ADRA1A: variants seen among roughly 807,000 people sequenced by gnomAD.
ADRA1A encodes alpha-1A adrenergic receptor.
ADRA1A carries 31 observed loss-of-function variants against 29.6 expected under a neutral mutation model. That is an observed-to-expected ratio of 1.05 (90% confidence interval 0.79 to 1.41). The LOEUF (loss-of-function observed/expected upper bound fraction) is 1.41. Ranked by LOEUF, ADRA1A falls within the 40% of genes most tolerant of loss-of-function variation. The pLI, the probability that ADRA1A is intolerant of heterozygous loss-of-function variation, is 0.00. For missense variants in ADRA1A, 619 were observed against 601.1 expected (o/e 1.03, Z -0.31); for synonymous variants, 311 against 254.3 (o/e 1.22, Z -2.12).
At chr8:26,760,897 TG>T (rs754700055), downstream of ADRA1A, among the ~76,000 whole-genome samples, 5 of 152,330 alleles carry the variant, frequency 3.3e-5, no homozygotes, top group Middle Eastern at 3.4e-3. Flanking sequence ...GTCATCAACT[TG>T]AGCCTTTCTG....
At chr8:26,858,988 C>G (rs1813246039) in intron 2 of ADRA1A, 7 of 1,145,400 alleles carry the variant, frequency 6.1e-6, no homozygotes, top group Non-Finnish European at 7.6e-6. Context: ...TGAGACTTCT[C>G]ACAATATACA....
At chr8:26,803,062 G>A (rs1294741661) in intron 2 of ADRA1A, among the ~76,000 whole-genome samples, 1 of 152,150 alleles carries the variant, frequency 6.6e-6, no homozygotes, top group Non-Finnish European at 1.5e-5. Flanking sequence ...TAGAATGATG[G>A]TTAGCAGTGA....
chr8:26,808,215 A>G, intron 2 of ADRA1A, among the ~76,000 whole-genome samples: 2 of 152,300 alleles, frequency 1.3e-5, no homozygotes, highest in Admixed American at 1.3e-4. Flanking sequence ...TATGTTTCCT[A>G]CACAAAAGAT....
chr8:26,810,904 C>T (rs1439971108), intron 2 of ADRA1A, among the ~76,000 whole-genome samples: 1 of 151,196 alleles, frequency 6.6e-6, no homozygotes, highest in African/African-American at 2.4e-5. Context: ...AATCAATTAC[C>T]TGACAAAAAA....
chr8:26,748,340 A>T (rs1804779598), exon 3 of ADRA1A: 1 of 171,044 alleles, frequency 5.8e-6, no homozygotes, highest in Non-Finnish European at 1.2e-5. Context: ...GTCTTACCCC[A>T]CTCCCAACAT....
chr8:26,770,290 G>A lies in ADRA1A; in HGVS notation c.1260C>T (p.Thr420=). Residue 420 remains threonine (T), a synonymous_variant, in exon 3 of 3, where the codon ACC becomes ACT. Coordinates refer to ENST00000380573, the MANE Select transcript of ADRA1A (RefSeq NM_000680.4). The part of the protein sequence containing the change: ...ITVSKDQSSC[T]TARVRSKSFL... ...AGCTTTTACTTCTCACCCGGGCTGT[G>A]GTACAGGAGGATTGGTCTTTGGACA... 3 of 1,614,196 alleles carry A rather than the reference G, an allele frequency of 1.9e-6. No individual in the cohort carries two copies. Among genetic ancestry groups the A allele is most frequent in the Non-Finnish European group, 2.5e-6 (3 of 1,180,032 alleles).
Position 26,860,305 on chromosome 8 carries a change from A to G in ADRA1A, c.883+3782T>C, listed in dbSNP as rs903610167. Among the ~76,000 whole-genome samples the G allele has an allele frequency of 2.0e-5, 3 of 152,030 alleles. No individual in the cohort carries two copies. Among genetic ancestry groups the G allele is most frequent in the African/African-American group, 4.8e-5 (2 of 41,376 alleles). ...CAAGCTCCAAACTCTCAGGCCACCCATCGTCACCTGGGCTCCTTCTACAAC... is the reference window on the plus strand; with the variant it reads ...CAAGCTCCAAACTCTCAGGCCACCCGTCGTCACCTGGGCTCCTTCTACAAC... On this transcript the variant is annotated intron_variant, in intron 2 of 2. Transcript: ENST00000380573. The surrounding 1 kb of genome is among the most constrained non-coding windows in gnomAD (Gnocchi z 4.7).
At chr8:26,788,104 A>T (rs955100005) in intron 2 of ADRA1A, among the ~76,000 whole-genome samples, 7 of 152,134 alleles carry the variant, frequency 4.6e-5, no homozygotes, top group Admixed American at 2.0e-4. Context: ...GCTGGGGAAA[A>T]GACATATTCA....
chr8:26,796,726 C>T lies in ADRA1A; in HGVS notation c.884-26060G>A, dbSNP rs148133465. 3.3e-4 allele frequency among the ~76,000 whole-genome samples: 50 copies of T among 152,082 alleles called. 1 individual carries two copies. The highest frequency in any genetic ancestry group is 1.1e-3 in the African/African-American group (47 of 41,476). ...AAGTGGATAGAGAGATGATTAATTT[C>T]GAAAGGGGGGTACAAGATGAAGGGA... is the stretch of plus-strand genomic sequence containing the variant. On this transcript the variant is annotated intron_variant, in intron 2 of 2. Transcript: ENST00000380573. This position sits in a 1 kb window ranked among gnomAD's most constrained non-coding sequence, Gnocchi z 5.0.
chr8:26,818,532 C>T (rs187227257), intron 2 of ADRA1A, among the ~76,000 whole-genome samples: 1 of 152,174 alleles, frequency 6.6e-6, no homozygotes, highest in East Asian at 1.9e-4. Context: ...GATGGCTTAA[C>T]TATCTCAAAG....
intron 2 of ADRA1A, among the ~76,000 whole-genome samples, chr8:26,844,581 C>T (rs992898114): frequency 3.9e-5 from 6 of 152,118 alleles, no homozygotes; most frequent in Non-Finnish European, 8.8e-5. Context: ...ACTCATTTAT[C>T]TATGATCAGT....
At chr8:26,770,692 C>T in intron 2 of ADRA1A, 26 bp from the exon 3 acceptor site, 1 of 1,565,046 alleles carries the variant, frequency 6.4e-7, no homozygotes, top group East Asian at 2.3e-5. Context: ...CAGATTTATA[C>T]ATATTATTTG....
chr8:26,773,571 A>C lies in ADRA1A; in HGVS notation c.884-2905T>G, dbSNP rs1193789078. 2.6e-5 allele frequency among the ~76,000 whole-genome samples: 4 copies of C among 152,198 alleles called. No individual in the cohort carries two copies. In the East Asian group the frequency reaches 7.7e-4, roughly 29 times the overall value. On this transcript the variant is annotated intron_variant, in intron 2 of 2. Transcript: ENST00000380573. Reference sequence around the variant, plus strand: ...TGGGAATGTCACTACTCTGTAAATCAGCGAGGGAGGGGAGGGTCGTTTCCT... The same window carrying C: ...TGGGAATGTCACTACTCTGTAAATCCGCGAGGGAGGGGAGGGTCGTTTCCT...
Position 26,775,420 on chromosome 8 carries a change from T to C in ADRA1A, c.884-4754A>G, listed in dbSNP as rs886627771. On this transcript the variant is annotated intron_variant, in intron 2 of 2. Coordinates refer to ENST00000380573, the MANE Select transcript of ADRA1A (RefSeq NM_000680.4). The surrounding 1 kb of genome is among the most constrained non-coding windows in gnomAD (Gnocchi z 4.1). The stretch of plus-strand genomic sequence containing the variant: ...TGTTATTTTACTACCATTTTTTCCT[T>C]GCTCTATCATCTGGCATCAGACCCT... 7.2e-5 allele frequency among the ~76,000 whole-genome samples: 11 copies of C among 152,226 alleles called. No homozygotes were observed. Among genetic ancestry groups the C allele is most frequent in the African/African-American group, 1.2e-4 (5 of 41,454 alleles).
intron 2 of ADRA1A, among the ~76,000 whole-genome samples, chr8:26,750,653 G>T (rs1804882027): frequency 6.6e-6 from 1 of 152,214 alleles, no homozygotes; most frequent in African/African-American, 2.4e-5. Context: ...TTCCTTCTGT[G>T]GCATTCCTCA....
chr8:26,861,630 A>G (rs1386911322), intron 2 of ADRA1A, among the ~76,000 whole-genome samples: 1 of 152,094 alleles, frequency 6.6e-6, no homozygotes, highest in African/African-American at 2.4e-5. Context: ...TCCATGTCTA[A>G]TGAATGTTTC....
chr8:26,867,073 G>A lies in ADRA1A; in HGVS notation c.-824C>T, dbSNP rs2130808789. The A allele has an allele frequency of 2.0e-6, 2 of 985,404 alleles. No individual in the cohort carries two copies. Among genetic ancestry groups the A allele is most frequent in the African/African-American group, 3.5e-5 (2 of 57,306 alleles). 61.0% of individuals were successfully genotyped at this position (985,404 alleles called of 1,614,324 possible). ...CGAGGCACCAAATCCTTGTCCTTTTGCACCCGCTGACTCACCCCTCCACCA... is the reference window on the plus strand; with the variant it reads ...CGAGGCACCAAATCCTTGTCCTTTTACACCCGCTGACTCACCCCTCCACCA... On this transcript the variant is annotated 5_prime_UTR_variant, in exon 1 of 3. Transcript: ENST00000380573.
chr8:26,793,688 C>T (rs72609954), intron 2 of ADRA1A, among the ~76,000 whole-genome samples: 3,784 of 151,674 alleles, frequency 0.025, 74 homozygotes, highest in Admixed American at 0.06. Context: ...AGTAAAAAAC[C>T]GTATGCAGAT....
At chr8:26,799,301 G>A (rs1470638367) in intron 2 of ADRA1A, among the ~76,000 whole-genome samples, 5 of 152,124 alleles carry the variant, frequency 3.3e-5, no homozygotes, top group African/African-American at 9.7e-5. Flanking sequence ...TTTCTAAATT[G>A]TGGCACAGAG....
Sources: gnomAD v4.1 joint callset for allele counts (sites outside exome capture counted in the v4.1 genomes callset) on GRCh38, gnomAD v4.1.1 for gene constraint, Gnocchi (gnomAD v3.1) non-coding constraint, MANE v1.5 for transcripts, NCBI Gene and HGNC (gene_info 2026-07-23, HGNC 2026-07-21) for gene names.